MOSPD3: variants seen among roughly 807,000 people sequenced by gnomAD.
MOSPD3 encodes the protein motile sperm domain-containing protein 3.
MOSPD3 carries 20 observed loss-of-function variants against 23.3 expected under a neutral mutation model. The observed-to-expected ratio is 0.86, with a 90% confidence interval of 0.61 to 1.25. MOSPD3 has a LOEUF of 1.25. Among genes scored for constraint, MOSPD3 ranks in the 50% most tolerant of loss-of-function variants. MOSPD3 has a pLI of 0.00. For synonymous variants in MOSPD3, 136 were observed against 135.2 expected, an observed-to-expected ratio of 1.01 and a Z score of -0.04; for missense variants, 307 against 315.7, an observed-to-expected ratio of 0.97 and a Z score of 0.21.
Position 100,613,508 on chromosome 7 carries a change from C to T in MOSPD3, c.313C>T (p.His105Tyr). 6.2e-6 allele frequency: 10 copies of T among 1,614,222 alleles called. No individual in the cohort carries two copies. Among genetic ancestry groups the T allele is most frequent in the Non-Finnish European group, 8.5e-6 (10 of 1,180,040 alleles). ...TCGCCATGTGGCACCCATTCCCAGC[C>T]ACTATGATGTCCAGGACCGCTTCCG... ...VIRHVAPIPSHYDVQDRFRIE... is the reference protein window; with the variant it reads ...VIRHVAPIPSYYDVQDRFRIE... The change falls in exon 3 of 5, where the codon CAC becomes TAC. Residue 105 changes from histidine (H) to tyrosine (Y), a missense_variant. By Grantham distance (83) the His-to-Tyr change is moderately conservative. Transcript: ENST00000393950.
At chr7:100,613,811 T>A in intron 3 of MOSPD3, 105 bp downstream of exon 3, 1 of 1,035,936 alleles carries the variant, frequency 9.7e-7, no homozygotes, top group Non-Finnish European at 1.4e-6. Flanking sequence ...GTTCAGTCTT[T>A]TGTCTTTTGG....
rs1368580354 is a variant in MOSPD3, at chr7:100,613,469, G to A, written c.282-8G>A. 1 of 1,613,890 alleles carries A rather than the reference G, an allele frequency of 6.2e-7. No individual in the cohort carries two copies. ...CCCCAATGGGCTTCTCTCCTACCTTGGGACCAGTGTGATTCGCCATGTGGC... is the reference window on the plus strand; with the variant it reads ...CCCCAATGGGCTTCTCTCCTACCTTAGGACCAGTGTGATTCGCCATGTGGC... On this transcript the variant is annotated splice_region_variant and splice_polypyrimidine_tract_variant and intron_variant, in intron 2 of 4. Transcript: ENST00000393950.
Position 100,615,265 on chromosome 7 carries a change from T to G in MOSPD3, c.*82T>G, listed in dbSNP as rs1584448866. ...CCACTGTGATGCTCATACCTTACCT[T>G]GCCTCCTACCCTCTTCTCTTTCCTG... On this transcript the variant is annotated 3_prime_UTR_variant, in exon 5 of 5. Transcript: ENST00000393950. 2.2e-6 allele frequency: 3 copies of G among 1,339,874 alleles called. No homozygotes were observed. Among genetic ancestry groups the G allele is most frequent in the East Asian group, 2.4e-5 (1 of 42,440 alleles). The allele number at this position is 1,339,874 out of a possible 1,614,324, so 83.0% of individuals were successfully genotyped here. A position where few individuals can be genotyped will look rare whatever the true frequency, so the allele number is the denominator to read the frequency against.
chr7:100,614,511 A>G (rs1030497789), intron 3 of MOSPD3, among the ~76,000 whole-genome samples: 2 of 151,928 alleles, frequency 1.3e-5, no homozygotes, highest in Non-Finnish European at 2.9e-5. Flanking sequence ...ACTCACACCT[A>G]TAATCCCAGT....
rs755181769 is a variant in MOSPD3 at position 100,614,970 on chromosome 7, C to A, written c.615C>A (p.Ser205Arg). The part of the protein sequence containing the change: ...LLLPLPDELG[S>R]QLPQVLHVSL... ...TCCCACTCCCGGACGAACTCGGCAG[C>A]CAGCTGCCTCAAGTCCTGCACGTCT... The change falls in exon 4 of 5, where the codon AGC (serine) becomes AGA (arginine). Residue 205 changes from serine (S) to arginine (R), a missense_variant. Physicochemically the swap from Ser to Arg is moderately radical, Grantham distance 110. Transcript: ENST00000393950. 6.2e-7 allele frequency: 1 copy of A among 1,614,122 alleles called. No individual in the cohort carries two copies. The highest frequency in any genetic ancestry group is 1.1e-5 in the South Asian group (1 of 91,090).
chr7:100,614,807 T>C (rs1186615204), intron 3 of MOSPD3, 60 bp from the exon 4 acceptor site: 1 of 1,537,160 alleles, frequency 6.5e-7, no homozygotes, highest in Non-Finnish European at 8.8e-7. Flanking sequence ...GGCTTCTCCC[T>C]GGAGGACCTG....
Position 100,615,178 on chromosome 7 carries a change from A to G in MOSPD3, c.703A>G (p.Thr235Ala). Residue 235 changes from threonine to alanine, a missense_variant, in exon 5 of 5, where the codon ACC (threonine) becomes GCC (alanine). By Grantham distance (58) the Thr-to-Ala change is moderately conservative (BLOSUM62 0). Transcript: ENST00000393950. ...CCTCCTCACCATGGTGTTCCTCCGG[A>G]CCTGAGCTCCGTGCTCAACCCCCAG... ...LGLLTMVFLR[T>A] 9 of 1,613,812 alleles carry G rather than the reference A, an allele frequency of 5.6e-6. No individual in the cohort carries two copies. The highest frequency in any genetic ancestry group is 7.6e-6 in the Non-Finnish European group (9 of 1,179,958).
chr7:100,614,561 C>T (rs746977082), intron 3 of MOSPD3, among the ~76,000 whole-genome samples: 6 of 150,960 alleles, frequency 4.0e-5, no homozygotes, highest in Non-Finnish European at 7.4e-5. Context: ...TGCAATTGCT[C>T]GAGGCCAGGA....
At position 100,612,869 on chromosome 7, in the gene MOSPD3, T is replaced by TCCCTTG. The variant is rs1239026620; in HGVS notation, c.79_84dup (p.Pro27_Leu28dup). 1.2e-6 allele frequency: 2 copies of TCCCTTG among 1,611,800 alleles called. No individual in the cohort carries two copies. The highest frequency in any genetic ancestry group is 1.7e-6 in the Non-Finnish European group (2 of 1,179,608). Reference sequence around the variant, plus strand: ...GGCGGGGGTCCCGGGGCGCCCCTCCTCCCTTGGGACCCGTTGTCCCGGTCC... The same window carrying TCCCTTG: ...GGCGGGGGTCCCGGGGCGCCCCTCCTCCCTTGCCCTTGGGACCCGTTGTCCCGGTCC... On this transcript the variant is annotated inframe_insertion, in exon 1 of 5. Transcript: ENST00000393950.
Position 100,613,685 on chromosome 7 carries a change from A to G in MOSPD3, c.490A>G (p.Thr164Ala). 6.2e-7 allele frequency: 1 copy of G among 1,612,962 alleles called. No individual in the cohort carries two copies. The highest frequency in any genetic ancestry group is 8.5e-7 in the Non-Finnish European group (1 of 1,179,978). The change falls in exon 3 of 5, where the codon ACG (threonine) becomes GCG (alanine). Residue 164 changes from threonine (T) to alanine (A), a missense_variant. Thr to Ala is a moderately conservative substitution (Grantham distance 58). Coordinates refer to ENST00000393950, the MANE Select transcript of MOSPD3 (RefSeq NM_023948.5). ...GCCTCCTGCTGGGACACCACCACCC[A>G]CGGCCAGACACTTCCAGGAGCGTGA... ...PGPPAGTPPPTARHFQEHPRQ... is the reference protein window; with the variant it reads ...PGPPAGTPPPAARHFQEHPRQ...
Position 100,615,002 on chromosome 7 carries a change from G to A in MOSPD3, c.647G>A (p.Gly216Glu), listed in dbSNP as rs1486611901. ...CCTCAAGTCCTGCACGTCTCCCTGG[G>A]ACAAAAGTTGGTGGCCGCCTACGTC... ...QLPQVLHVSL[G>E]QKLVAAYVLG... Residue 216 changes from glycine (G) to glutamate (E), a missense_variant, in exon 4 of 5, where the codon GGA becomes GAA. Physicochemically the swap from Gly to Glu is moderately conservative, Grantham distance 98. Transcript: ENST00000393950. 1.2e-6 allele frequency: 2 copies of A among 1,614,174 alleles called. No individual in the cohort carries two copies. Among genetic ancestry groups the A allele is most frequent in the Admixed American group, 3.3e-5 (2 of 60,034 alleles).
chr7:100,612,825 G>C lies in MOSPD3; in HGVS notation c.34G>C (p.Val12Leu), dbSNP rs1200609547. Residue 12 changes from valine (V) to leucine (L), a missense_variant, in exon 1 of 5, where the codon GTG becomes CTG. Val to Leu is a conservative substitution (Grantham distance 32, BLOSUM62 1). Transcript: ENST00000393950. Reference sequence around the variant, plus strand: ...TGGGGCGCCCCAGGACCAGGAGCTGGTGGGTCCGGGGCCCCCTGGGCGGGG... The same window carrying C: ...TGGGGCGCCCCAGGACCAGGAGCTGCTGGGTCCGGGGCCCCCTGGGCGGGG... ...RRGAPQDQEL[V>L]GPGPPGRGSR... 1.2e-6 allele frequency: 2 copies of C among 1,605,278 alleles called. No homozygotes were observed. The highest frequency in any genetic ancestry group is 1.7e-6 in the Non-Finnish European group (2 of 1,177,580).
chr7:100,612,915 G>A lies in MOSPD3; in HGVS notation c.124G>A (p.Val42Ile), dbSNP rs1439072343. 6.2e-7 allele frequency: 1 copy of A among 1,613,756 alleles called. No individual in the cohort carries two copies. The highest frequency in any genetic ancestry group is 8.5e-7 in the Non-Finnish European group (1 of 1,179,980). ...GGTCCTGGTCTTTCCCCCGGATCTA[G>A]TATTCAGGGCGGACCAGCGGAGCGG... is the stretch of plus-strand genomic sequence containing the variant. The part of the protein sequence containing the change: ...VPVLVFPPDL[V>I]FRADQRSGPR... Residue 42 changes from valine to isoleucine, a missense_variant, in exon 1 of 5, where the codon GTA becomes ATA. Coordinates refer to ENST00000393950, the MANE Select transcript of MOSPD3 (RefSeq NM_023948.5).
At position 100,613,158 on chromosome 7, in the gene MOSPD3, T is replaced by C. The variant is rs200260910; in HGVS notation, c.206-36T>C. 3.6e-4 allele frequency: 583 copies of C among 1,609,646 alleles called. 2 individuals are homozygous for C. The African/African-American group carries it at 6.7e-3, about 19-fold the overall frequency. ...GCAGAGGGGACTTAAATGACCCACA[T>C]GGCAGGGCTTGTCTGTGTGTGTCTC... On this transcript the variant is annotated intron_variant, in intron 1 of 4. Transcript: ENST00000393950.
chr7:100,613,191 C>T lies in MOSPD3; in HGVS notation c.206-3C>T. ...CTTGTCTGTGTGTGTCTCTATCCCC[C>T]AGTCCTGTGCACAGCACCTGCCAAA... On this transcript the variant is annotated splice_polypyrimidine_tract_variant and splice_region_variant and intron_variant, in intron 1 of 4. Transcript: ENST00000393950. 1 of 1,614,016 alleles carries T rather than the reference C, an allele frequency of 6.2e-7. No homozygotes were observed. Among genetic ancestry groups the T allele is most frequent in the Non-Finnish European group, 8.5e-7 (1 of 1,179,910 alleles).
At chr7:100,613,746 G>C in intron 3 of MOSPD3, 40 bp downstream of exon 3, 1 of 1,534,636 alleles carries the variant, frequency 6.5e-7, no homozygotes, top group South Asian at 1.1e-5. Flanking sequence ...TGTAGGGAGG[G>C]AGGAACTAGC....
intron 1 of MOSPD3, 91 bp from the exon 2 acceptor site, chr7:100,613,103 G>A (rs1237114404): frequency 3.2e-6 from 5 of 1,578,038 alleles, no homozygotes; most frequent in Non-Finnish European, 4.4e-6. Flanking sequence ...GGTGGACTGG[G>A]AAAGTCATGT....
In MOSPD3 at chr7:100,613,506, G is replaced by A. The variant is rs1469059327; in HGVS notation, c.311G>A (p.Ser104Asn). ...ATTCGCCATGTGGCACCCATTCCCA[G>A]CCACTATGATGTCCAGGACCGCTTC... is the stretch of plus-strand genomic sequence containing the variant. Reference protein sequence around the residue: ...IVIRHVAPIPSHYDVQDRFRI... With the variant: ...IVIRHVAPIPNHYDVQDRFRI... Residue 104 changes from serine (S) to asparagine (N), a missense_variant, in exon 3 of 5, where the codon AGC becomes AAC. Transcript: ENST00000393950. The A allele has an allele frequency of 6.2e-7, 1 of 1,614,198 alleles. No homozygotes were observed. The highest frequency in any genetic ancestry group is 1.6e-4 in the Middle Eastern group (1 of 6,062).
In MOSPD3 at chr7:100,613,568, G is replaced by C; in HGVS notation, c.373G>C (p.Val125Leu). ...ELSEEGAEGR[V>L]VGRKDITSIL... is the part of the protein sequence containing the mutation. ...GTCTGAGGAAGGAGCTGAGGGCCGA[G>C]TGGTGGGACGCAAGGACATTACCTC... Residue 125 changes from valine (V) to leucine (L), a missense_variant, in exon 3 of 5, where the codon GTG becomes CTG. By Grantham distance (32) the Val-to-Leu change is conservative. Transcript: ENST00000393950. 2 of 1,614,212 alleles carry C rather than the reference G, an allele frequency of 1.2e-6. No individual in the cohort carries two copies. Among genetic ancestry groups the C allele is most frequent in the Non-Finnish European group, 1.7e-6 (2 of 1,180,042 alleles).
Sources: gnomAD v4.1 joint callset for allele counts (sites outside exome capture counted in the v4.1 genomes callset) on GRCh38, gnomAD v4.1.1 for gene constraint, MANE v1.5 for transcripts, NCBI Gene and HGNC (gene_info 2026-07-23, HGNC 2026-07-21) for gene names.